The following PGM5 variants were observed in gnomAD, a reference collection of about 807,000 sequenced individuals.
PGM5 encodes the protein phosphoglucomutase 5, also known as phosphoglucomutase-like protein 5.
A neutral mutation model predicts 59.2 loss-of-function variants in PGM5; 23 were observed. The observed-to-expected ratio is 0.39, with a 90% CI of 0.28 to 0.55. The LOEUF (loss-of-function observed/expected upper bound fraction) is 0.55. Among genes scored for constraint, PGM5 ranks in the 20% least tolerant of loss-of-function variants. The pLI is 0.66. For missense variants in PGM5, 574 were observed against 748.3 expected, an observed-to-expected ratio of 0.77 and a Z score of 2.72; for synonymous variants, 214 against 286.0, an observed-to-expected ratio of 0.75 and a Z score of 2.54.
intron 3 of PGM5, among the ~76,000 whole-genome samples, chr9:68,386,012 G>A (rs1394003034): frequency 3.3e-5 from 5 of 151,530 alleles, no homozygotes; most frequent in Non-Finnish European, 7.4e-5. Flanking sequence ...TCAAGAGCAT[G>A]AACTATATGA....
intron 10 of PGM5, among the ~76,000 whole-genome samples, chr9:68,515,361 C>T (rs1824809485): frequency 6.6e-6 from 1 of 152,204 alleles, no homozygotes. Flanking sequence ...ACTGCCTCCT[C>T]CGTAAGACTC....
chr9:68,476,702 C>T (rs1824111332), intron 7 of PGM5, among the ~76,000 whole-genome samples: 1 of 152,194 alleles, frequency 6.6e-6, no homozygotes, highest in Non-Finnish European at 1.5e-5. Context: ...TCATCAGCCC[C>T]TTATTAATCT....
intron 9 of PGM5, among the ~76,000 whole-genome samples, chr9:68,494,127 T>C (rs1554688029): frequency 6.6e-6 from 1 of 152,142 alleles, no homozygotes; most frequent in Non-Finnish European, 1.5e-5. Flanking sequence ...TGGCTATGTG[T>C]CATCCTGGAT....
intron 1 of PGM5, among the ~76,000 whole-genome samples, chr9:68,372,073 GT>G (rs1554677203): frequency 1.3e-5 from 2 of 152,166 alleles, no homozygotes; most frequent in African/African-American, 4.8e-5. Flanking sequence ...ATGGCAATTT[GT>G]TATAGCAGCC....
At chr9:68,505,670 C>A (rs1210049218) in intron 10 of PGM5, among the ~76,000 whole-genome samples, 1 of 152,228 alleles carries the variant, frequency 6.6e-6, no homozygotes, top group African/African-American at 2.4e-5. Context: ...GAGTGTGGAG[C>A]TTCCATGCCC....
chr9:68,509,128 C>T (rs1437034844), intron 10 of PGM5, among the ~76,000 whole-genome samples: 2 of 152,104 alleles, frequency 1.3e-5, no homozygotes, highest in Non-Finnish European at 1.5e-5. Context: ...TTTGCTCTCC[C>T]GTCTACTCTT....
chr9:68,494,380 T>C (rs1554688041), intron 9 of PGM5, among the ~76,000 whole-genome samples: 7 of 152,178 alleles, frequency 4.6e-5, no homozygotes. Flanking sequence ...AGAGCCTATG[T>C]ATGAAACCTT....
intron 6 of PGM5, among the ~76,000 whole-genome samples, chr9:68,393,559 A>C (rs1822420206): frequency 6.6e-6 from 1 of 152,052 alleles, no homozygotes; most frequent in Non-Finnish European, 1.5e-5. Flanking sequence ...CAGCCTGGAT[A>C]ATAGAGCAAA....
intron 6 of PGM5, among the ~76,000 whole-genome samples, chr9:68,422,011 A>G (rs1422141386): frequency 6.6e-6 from 1 of 152,106 alleles, no homozygotes; most frequent in Admixed American, 6.5e-5. Flanking sequence ...AATGAAGATC[A>G]CTTTTATTTA....
At chr9:68,460,085 T>G (rs1205618355) in intron 6 of PGM5, among the ~76,000 whole-genome samples, 3 of 152,202 alleles carry the variant, frequency 2.0e-5, no homozygotes, top group Non-Finnish European at 4.4e-5. Flanking sequence ...ACCTGGATCT[T>G]GTGCTCTTTA....
chr9:68,486,797 G>A (rs960778110), intron 9 of PGM5, among the ~76,000 whole-genome samples: 11 of 152,112 alleles, frequency 7.2e-5, no homozygotes, highest in African/African-American at 2.4e-4. Context: ...CTTAGGAGCG[G>A]AATTGCTGGG....
chr9:68,440,147 T>C (rs1483082129), intron 6 of PGM5, among the ~76,000 whole-genome samples: 1 of 152,098 alleles, frequency 6.6e-6, no homozygotes, highest in African/African-American at 2.4e-5. Flanking sequence ...CAGTCTTCTG[T>C]GAGAAACTGA....
intron 2 of PGM5, among the ~76,000 whole-genome samples, chr9:68,383,337 T>G (rs1208496918): frequency 3.9e-5 from 6 of 152,058 alleles, no homozygotes; most frequent in Middle Eastern, 3.5e-3. Context: ...GTGTTTTATT[T>G]AAACTACTAT....
chr9:68,456,769 A>G (rs1554684906), intron 6 of PGM5, among the ~76,000 whole-genome samples: 1 of 151,300 alleles, frequency 6.6e-6, no homozygotes, highest in African/African-American at 2.4e-5. Context: ...GGATTACAGG[A>G]GCCCACCACC....
intron 6 of PGM5, among the ~76,000 whole-genome samples, chr9:68,407,241 C>T (rs1182796923): frequency 2.0e-5 from 3 of 152,134 alleles, no homozygotes; most frequent in Non-Finnish European, 2.9e-5. Flanking sequence ...GATCCTCCCA[C>T]CTCAGCCTCC....
chr9:68,499,010 A>T, intron 9 of PGM5: 1 of 536,016 alleles, frequency 1.9e-6, no homozygotes. Context: ...CCCCACATTA[A>T]CCACAAAGCA....
At chr9:68,408,156 G>A (rs1554681304) in intron 6 of PGM5, among the ~76,000 whole-genome samples, 1 of 152,192 alleles carries the variant, frequency 6.6e-6, no homozygotes, top group African/African-American at 2.4e-5. Flanking sequence ...TGGGTGTTAG[G>A]AGCCTGAGAA....
intron 9 of PGM5, among the ~76,000 whole-genome samples, chr9:68,496,402 A>G (rs527546838): frequency 1.2e-4 from 19 of 152,374 alleles, no homozygotes; most frequent in South Asian, 6.2e-4. Context: ...CTGGCTCTAA[A>G]GAAACCCTTA....
rs72714332 is a variant in PGM5 at position 68,489,092 on chromosome 9, A to G, written c.1479+5044A>G. 2.9e-3 allele frequency among the ~76,000 whole-genome samples: 439 copies of G among 152,224 alleles called. 2 individuals are homozygous for G. Among genetic ancestry groups the G allele is most frequent in the Non-Finnish European group, 4.6e-3 (313 of 68,016 alleles). On this transcript the variant is annotated intron_variant, in intron 9 of 10. Transcript: ENST00000396396. Reference sequence around the variant, plus strand: ...GAGCTCTTTCTTCCCTTCACCATCGATACCCTAAAGAATATTATCAAGATT... The same window carrying G: ...GAGCTCTTTCTTCCCTTCACCATCGGTACCCTAAAGAATATTATCAAGATT...
Sources: gnomAD v4.1 joint callset for allele counts (sites outside exome capture counted in the v4.1 genomes callset) on GRCh38, gnomAD v4.1.1 for gene constraint, MANE v1.5 for transcripts, NCBI Gene and HGNC (gene_info 2026-07-23, HGNC 2026-07-21) for gene names.